The following CATSPERE variants were observed in gnomAD, a reference collection of about 807,000 sequenced individuals.
CATSPERE encodes catsper channel auxiliary subunit epsilon.
In CATSPERE, 93 loss-of-function variants were observed where a neutral mutation model predicts 114.1. The ratio of observed to expected loss-of-function variants is 0.81; its 90% CI spans 0.69 to 0.97. CATSPERE has a LOEUF of 0.97. CATSPERE is among the 50% of genes least tolerant of loss of function. The probability of loss-of-function intolerance (pLI) is 0.00; values close to 1 mark genes in which losing one functional copy is unlikely to be tolerated. For synonymous variants in CATSPERE, 341 were observed against 384.1 expected, an observed-to-expected ratio of 0.89 and a Z score of 1.31; for missense variants, 1,058 against 1,131.6, an observed-to-expected ratio of 0.93 and a Z score of 0.93.
rs531607358 is a variant in CATSPERE, at chr1:244,479,876, G to A, written c.326+92G>A. On this transcript the variant is annotated intron_variant, in intron 5 of 21. Transcript: ENST00000366534. ...GCCACAAATAGATTATCTATATTAC[G>A]GTTTCCATACAACTTTCATTCACCA... 2.4e-4 allele frequency: 147 copies of A among 604,726 alleles called. No individual in the cohort carries two copies. In the South Asian group the frequency reaches 4.9e-3, roughly 20 times the overall value. The allele number at this position is 604,726 out of a possible 1,614,324, so 37.5% of individuals were successfully genotyped here. A position where few individuals can be genotyped will look rare whatever the true frequency, so the allele number is the denominator to read the frequency against.
At chr1:244,501,021 G>C (rs910562423) in intron 7 of CATSPERE, among the ~76,000 whole-genome samples, 2 of 152,114 alleles carry the variant, frequency 1.3e-5, no homozygotes, top group Non-Finnish European at 2.9e-5. Context: ...TTATTTCCTT[G>C]AGCAGGGGTT....
At chr1:244,466,081 A>G (rs770261750) in intron 2 of CATSPERE, among the ~76,000 whole-genome samples, 16 of 152,240 alleles carry the variant, frequency 1.1e-4, no homozygotes, top group Non-Finnish European at 2.1e-4. Flanking sequence ...CACAGTCTAC[A>G]GAAAAAAGTT....
In CATSPERE at chr1:244,635,492, C is replaced by T; in HGVS notation, c.2652C>T (p.Phe884=). 1 of 1,611,232 alleles carries T rather than the reference C, an allele frequency of 6.2e-7. No individual in the cohort carries two copies. The highest frequency in any genetic ancestry group is 1.7e-4 in the Middle Eastern group (1 of 6,052). Reference sequence around the variant, plus strand: ...ATATTATTTTTCTGCTTTGCAGTTTCTGTAACCTAACAGCTATGTTTGCAA... The same window carrying T: ...ATATTATTTTTCTGCTTTGCAGTTTTTGTAACCTAACAGCTATGTTTGCAA... ...RVKILDPNYS[F]CNLTAMFAIE... Residue 884 remains phenylalanine, a synonymous_variant, in exon 21 of 22, where the codon TTC becomes TTT. Transcript: ENST00000366534.
chr1:244,489,450 A>ATTTTTTTTTTTTTTTTTTTTT (rs10524749), intron 5 of CATSPERE, among the ~76,000 whole-genome samples: 3 of 85,542 alleles, frequency 3.5e-5, no homozygotes, highest in African/African-American at 1.4e-4. Flanking sequence ...AAGCATGCAG[A>ATTTTTTTTTTTTTTTTTTTTT]TTTTTTTTTT....
chr1:244,467,030 T>C (rs1228433806), intron 2 of CATSPERE, among the ~76,000 whole-genome samples: 2 of 152,250 alleles, frequency 1.3e-5, no homozygotes, highest in Non-Finnish European at 2.9e-5. Flanking sequence ...CCTAGAGTTA[T>C]GCAGGAATGA....
intron 13 of CATSPERE, among the ~76,000 whole-genome samples, chr1:244,587,488 T>C (rs1360727019): frequency 6.6e-6 from 1 of 152,214 alleles, no homozygotes; most frequent in Non-Finnish European, 1.5e-5. Context: ...CATTTGCCTT[T>C]CTCCCCTGTA....
intron 9 of CATSPERE, among the ~76,000 whole-genome samples, chr1:244,559,051 C>G (rs1272650469): frequency 2.0e-5 from 3 of 152,166 alleles, no homozygotes; most frequent in Non-Finnish European, 4.4e-5. Context: ...CTCACCTGCA[C>G]GATTATGCCG....
intron 5 of CATSPERE, among the ~76,000 whole-genome samples, chr1:244,486,117 G>A (rs571856070): frequency 1.3e-5 from 2 of 152,118 alleles, no homozygotes; most frequent in African/African-American, 4.8e-5. Context: ...GAAAGTGTGG[G>A]GGTCTCTTGC....
intron 8 of CATSPERE, among the ~76,000 whole-genome samples, chr1:244,519,750 A>C (rs1369585956): frequency 6.6e-6 from 1 of 152,244 alleles, no homozygotes; most frequent in Non-Finnish European, 1.5e-5. Flanking sequence ...GGATGGATGA[A>C]TACAAACTAT....
chr1:244,532,111 C>G (rs1679704800), intron 8 of CATSPERE, among the ~76,000 whole-genome samples: 2 of 152,130 alleles, frequency 1.3e-5, no homozygotes, highest in African/African-American at 4.8e-5. Context: ...AATTTATTGG[C>G]ATATAGTTGC....
chr1:244,597,081 C>T lies in CATSPERE; in HGVS notation c.2303+3503C>T, dbSNP rs552832569. 2.0e-5 allele frequency among the ~76,000 whole-genome samples: 3 copies of T among 152,250 alleles called. No homozygotes were observed. In the South Asian group the frequency reaches 6.2e-4, roughly 32 times the overall value. On this transcript the variant is annotated intron_variant, in intron 17 of 21. Coordinates refer to ENST00000366534, the MANE Select transcript of CATSPERE (RefSeq NM_001130957.2). ...CAAGAACATTGCTCCTGAAACTGTCCTCCTCTTTCTCCTGTATCATCAACT... is the reference window on the plus strand; with the variant it reads ...CAAGAACATTGCTCCTGAAACTGTCTTCCTCTTTCTCCTGTATCATCAACT...
chr1:244,590,707 T>C (rs1166277685), intron 14 of CATSPERE, among the ~76,000 whole-genome samples: 1 of 152,206 alleles, frequency 6.6e-6, no homozygotes, highest in Non-Finnish European at 1.5e-5. Context: ...CATATGACCT[T>C]TTGTGTCCAG....
upstream of CATSPERE, chr1:244,451,821 T>A: frequency 6.3e-7 from 1 of 1,575,112 alleles, no homozygotes; most frequent in Non-Finnish European, 8.6e-7. The surrounding 1 kb of genome is among the most constrained non-coding windows in gnomAD (Gnocchi z 6.6). Context: ...ACGCCATGGC[T>A]CCAGTGACGC....
chr1:244,606,584 A>G (rs1670033571), intron 18 of CATSPERE, among the ~76,000 whole-genome samples: 2 of 148,200 alleles, frequency 1.3e-5, no homozygotes, highest in South Asian at 4.3e-4. Flanking sequence ...CCCCCAGAGT[A>G]TTGCAAGAAT....
intron 20 of CATSPERE, among the ~76,000 whole-genome samples, chr1:244,620,575 A>G (rs1408203830): frequency 6.6e-6 from 1 of 152,222 alleles, no homozygotes; most frequent in Non-Finnish European, 1.5e-5. Context: ...GTGAAAGAAC[A>G]TCATTTTATA....
At position 244,591,338 on chromosome 1, in the gene CATSPERE, T is replaced by C. The variant is rs538589357; in HGVS notation, c.2139-343T>C. Among the ~76,000 whole-genome samples the C allele has an allele frequency of 4.0e-5, 6 of 151,230 alleles. No individual in the cohort carries two copies. The South Asian group carries it at 1.0e-3, about 26-fold the overall frequency. On this transcript the variant is annotated intron_variant, in intron 14 of 21. Coordinates refer to ENST00000366534, the MANE Select transcript of CATSPERE (RefSeq NM_001130957.2). ...ATCATGAACTAAAGTCACCATGTTG[T>C]ACAATAGACCTCTGGAACTTACTCC...
At chr1:244,465,652 C>T (rs1667486091) in intron 2 of CATSPERE, among the ~76,000 whole-genome samples, 1 of 152,178 alleles carries the variant, frequency 6.6e-6, no homozygotes, top group Admixed American at 6.5e-5. Flanking sequence ...AATGAGTCTT[C>T]GGATCTGGTC....
chr1:244,507,002 A>G (rs1467685286), intron 7 of CATSPERE, among the ~76,000 whole-genome samples: 2 of 152,124 alleles, frequency 1.3e-5, no homozygotes, highest in African/African-American at 4.8e-5. Flanking sequence ...AGAACATATG[A>G]TATTTCTCTT....
At chr1:244,536,935 GTT>G (rs36070112) in intron 8 of CATSPERE, among the ~76,000 whole-genome samples, 131,115 of 150,830 alleles carry the variant, frequency 0.87, 57,898 homozygotes, top group East Asian at 1. Flanking sequence ...AGTTCCAGGA[GTT>G]TTTTTTTTTT....
Sources: allele counts gnomAD v4.1 joint callset (sites outside exome capture counted in the v4.1 genomes callset), GRCh38; gene constraint gnomAD v4.1.1; non-coding constraint Gnocchi (gnomAD v3.1); transcripts MANE v1.5; gene names NCBI Gene and HGNC (gene_info 2026-07-23, HGNC 2026-07-21).